Variants in IL1RAPL2 observed in about 807,000 individuals in gnomAD.
IL1RAPL2 encodes X-linked interleukin-1 receptor accessory protein-like 2.
Under a neutral mutation model 44.1 loss-of-function variants are expected in IL1RAPL2, and 3 were observed. The ratio of observed to expected loss-of-function variants is 0.07; its 90% confidence interval spans 0.03 to 0.18. IL1RAPL2 has a LOEUF of 0.18. Among genes scored for constraint, IL1RAPL2 ranks in the 10% least tolerant of loss-of-function variants. The pLI, the probability that IL1RAPL2 is intolerant of heterozygous loss-of-function variation, is 1.00. For missense variants in IL1RAPL2, 391 were observed against 496.4 expected, an observed-to-expected ratio of 0.79 and a Z score of 2.02; for synonymous variants, 181 against 178.8, an observed-to-expected ratio of 1.01 and a Z score of -0.10.
intron 2 of IL1RAPL2, among the ~76,000 whole-genome samples, chrX:104,911,065 T>A (rs1430014852): frequency 8.9e-6 from 1 of 112,051 alleles, no homozygotes; most frequent in Non-Finnish European, 1.9e-5. Context: ...ATAGAATGTA[T>A]AATTGATCAA....
At chrX:105,303,017 G>A (rs1937565083) in intron 5 of IL1RAPL2, among the ~76,000 whole-genome samples, 1 of 111,181 alleles carries the variant, frequency 9.0e-6, no homozygotes, top group Non-Finnish European at 1.9e-5. Flanking sequence ...GCCGTGACAG[G>A]GCATCACTGA....
intron 2 of IL1RAPL2, among the ~76,000 whole-genome samples, chrX:104,772,797 T>C: frequency 8.9e-6 from 1 of 112,609 alleles, no homozygotes; most frequent in Non-Finnish European, 1.9e-5. Flanking sequence ...GGTAAGTTAA[T>C]AGATCATTTC....
chrX:105,346,840 T>C (rs906787645), intron 5 of IL1RAPL2, among the ~76,000 whole-genome samples: 1 of 112,231 alleles, frequency 8.9e-6, no homozygotes, highest in African/African-American at 3.2e-5. Flanking sequence ...TAATTTAGCA[T>C]TGAGAAAAAT....
chrX:105,319,356 G>T (rs2034879395), intron 5 of IL1RAPL2, among the ~76,000 whole-genome samples: 1 of 111,597 alleles, frequency 9.0e-6, no homozygotes, highest in Non-Finnish European at 1.9e-5. Flanking sequence ...ATTAAATGTC[G>T]GTGCCCACTT....
At chrX:104,767,605 T>A (rs1453506584) in intron 2 of IL1RAPL2, among the ~76,000 whole-genome samples, 2 of 111,777 alleles carry the variant, frequency 1.8e-5, no homozygotes, top group South Asian at 3.7e-4. Context: ...TGGGAATGAG[T>A]GAAACTTCAG....
At chrX:104,976,734 T>C (rs1175830475) in intron 2 of IL1RAPL2, among the ~76,000 whole-genome samples, 1 of 110,442 alleles carries the variant, frequency 9.1e-6, no homozygotes, top group Non-Finnish European at 1.9e-5. Flanking sequence ...CCAGGGGTTC[T>C]CCAAATGCCA....
At chrX:105,037,502 C>A (rs775102196) in intron 2 of IL1RAPL2, among the ~76,000 whole-genome samples, 1 of 110,876 alleles carries the variant, frequency 9.0e-6, no homozygotes, top group Non-Finnish European at 1.9e-5. Context: ...TCATTAAGCA[C>A]CTTCTATGTG....
At chrX:105,528,968 G>A (rs1207229088) in intron 6 of IL1RAPL2, among the ~76,000 whole-genome samples, 4 of 110,649 alleles carry the variant, frequency 3.6e-5, no homozygotes, top group Non-Finnish European at 7.6e-5. Flanking sequence ...TATTTTATTT[G>A]TACTTATTTT....
intron 5 of IL1RAPL2, among the ~76,000 whole-genome samples, chrX:105,276,061 A>C (rs755225133): frequency 8.9e-6 from 1 of 112,421 alleles, no homozygotes; most frequent in East Asian, 2.8e-4. Flanking sequence ...TAAAAGGAAA[A>C]CGATTTACTA....
chrX:105,706,946 C>G (rs765710754), intron 6 of IL1RAPL2, among the ~76,000 whole-genome samples: 92 of 111,575 alleles, frequency 8.2e-4, no homozygotes, highest in Non-Finnish European at 1.6e-3. Context: ...AACTGCTACA[C>G]TCTCCCATAG....
chrX:105,546,860 G>A (rs2036805661), intron 6 of IL1RAPL2, among the ~76,000 whole-genome samples: 1 of 112,007 alleles, frequency 8.9e-6, no homozygotes, highest in Non-Finnish European at 1.9e-5. Flanking sequence ...TCTATTTTCT[G>A]AAATATATTA....
chrX:104,736,389 G>A (rs950074946), intron 2 of IL1RAPL2, among the ~76,000 whole-genome samples: 1 of 111,786 alleles, frequency 8.9e-6, no homozygotes, highest in Non-Finnish European at 1.9e-5. Context: ...TGACTGACTT[G>A]AATGCCCATT....
chrX:105,488,064 C>T lies in IL1RAPL2; in HGVS notation c.772+3677C>T, dbSNP rs147154915. Among the ~76,000 whole-genome samples the T allele has an allele frequency of 7.7e-3, 865 of 112,059 alleles. 8 individuals are homozygous for T. Among genetic ancestry groups the T allele is most frequent in the African/African-American group, 0.027 (827 of 30,902 alleles). ...AACACATTATCAACTTTGGGTTTCCCAAATCACATTACTTAAAATTTTAGA... is the reference window on the plus strand; with the variant it reads ...AACACATTATCAACTTTGGGTTTCCTAAATCACATTACTTAAAATTTTAGA... On this transcript the variant is annotated intron_variant, in intron 6 of 10. Coordinates refer to ENST00000372582, the MANE Select transcript of IL1RAPL2 (RefSeq NM_017416.2).
intron 6 of IL1RAPL2, among the ~76,000 whole-genome samples, chrX:105,491,611 T>A (rs1010339295): frequency 1.8e-5 from 2 of 111,931 alleles, no homozygotes; most frequent in African/African-American, 6.5e-5. Flanking sequence ...CTCACCCTTG[T>A]AGACATTCTA....
At chrX:105,402,485 A>G (rs1297334708) in intron 5 of IL1RAPL2, among the ~76,000 whole-genome samples, 1 of 111,714 alleles carries the variant, frequency 9.0e-6, no homozygotes, top group Admixed American at 9.5e-5. Flanking sequence ...TGTTTTAGGT[A>G]TCTTTTTGTT....
rs751006587 is a variant in IL1RAPL2, at chrX:105,609,314, GATGATAGTC to G, written c.773-108050_773-108042del. On this transcript the variant is annotated intron_variant, in intron 6 of 10. Coordinates refer to ENST00000372582, the MANE Select transcript of IL1RAPL2 (RefSeq NM_017416.2). ...AGAAAACATTCTGGAAATGGATAGT[GATGATAGTC>G]ATACAACATTGTGAATGTACTTAAT... is the stretch of plus-strand genomic sequence containing the variant. Among the ~76,000 whole-genome samples, 81 of 99,386 alleles carry G rather than the reference GATGATAGTC, an allele frequency of 8.2e-4. No homozygotes were observed. In the South Asian group the frequency reaches 0.041, roughly 50 times the overall value. 86.3% of individuals were successfully genotyped at this position (99,386 alleles called of 115,157 possible).
chrX:104,589,726 TG>T (rs1928628616), intron 1 of IL1RAPL2, among the ~76,000 whole-genome samples: 1 of 111,872 alleles, frequency 8.9e-6, no homozygotes, highest in Admixed American at 9.5e-5. Context: ...TAGTAGCCGA[TG>T]TTATGTGTAA....
At chrX:105,211,186 T>C (rs1341286850) in intron 3 of IL1RAPL2, among the ~76,000 whole-genome samples, 1 of 111,719 alleles carries the variant, frequency 9.0e-6, no homozygotes, top group East Asian at 2.8e-4. Context: ...GCATCGTGCT[T>C]TTGCCCATGG....
At chrX:104,672,221 C>T (rs911053930) in intron 2 of IL1RAPL2, among the ~76,000 whole-genome samples, 3 of 111,302 alleles carry the variant, frequency 2.7e-5, no homozygotes, top group East Asian at 2.8e-4. Flanking sequence ...CGTCATCTAG[C>T]GTTAGGTATA....
Sources: allele counts gnomAD v4.1 joint callset (sites outside exome capture counted in the v4.1 genomes callset), GRCh38; gene constraint gnomAD v4.1.1; transcripts MANE v1.5; gene names NCBI Gene and HGNC (gene_info 2026-07-23, HGNC 2026-07-21).